The following DNAI1 variants were observed in gnomAD, a reference collection of about 807,000 sequenced individuals.
The protein encoded by DNAI1 is dynein axonemal intermediate chain 1.
Under a neutral mutation model 92.0 loss-of-function variants are expected in DNAI1, and 67 were observed. The ratio of observed to expected loss-of-function variants is 0.73; its 90% confidence interval spans 0.60 to 0.89. The LOEUF (loss-of-function observed/expected upper bound fraction) is 0.89. DNAI1 is among the 40% of genes least tolerant of loss of function. The pLI is 0.00. For synonymous variants in DNAI1, 323 were observed against 319.6 expected (o/e 1.01, Z -0.11); for missense variants, 839 against 866.6 (o/e 0.97, Z 0.40).
chr9:34,481,850 G>A (rs1824363704), intron 1 of DNAI1, among the ~76,000 whole-genome samples: 1 of 152,222 alleles, frequency 6.6e-6, no homozygotes, highest in East Asian at 1.9e-4. Context: ...GTGAGCAGTA[G>A]CAAGATTTAT....
At chr9:34,469,693 T>C (rs1400762013) in intron 1 of DNAI1, among the ~76,000 whole-genome samples, 2 of 152,186 alleles carry the variant, frequency 1.3e-5, no homozygotes, top group Non-Finnish European at 2.9e-5. Flanking sequence ...TTCTCTTGTC[T>C]CAGCCTCCTG....
intron 12 of DNAI1, among the ~76,000 whole-genome samples, chr9:34,503,024 A>C (rs1011827122): frequency 6.6e-6 from 1 of 152,202 alleles, no homozygotes; most frequent in South Asian, 2.1e-4. Context: ...GCTTTCCTGC[A>C]GTACCCTCAG....
chr9:34,466,154 G>T (rs1824034739), intron 1 of DNAI1, among the ~76,000 whole-genome samples: 2 of 152,138 alleles, frequency 1.3e-5, no homozygotes, highest in African/African-American at 4.8e-5. Flanking sequence ...ATGAGTGATG[G>T]GAAGGTATGT....
At chr9:34,481,162 G>A (rs1320340126) in intron 1 of DNAI1, among the ~76,000 whole-genome samples, 1 of 152,186 alleles carries the variant, frequency 6.6e-6, no homozygotes, top group Non-Finnish European at 1.5e-5. Flanking sequence ...AGAATCGCTT[G>A]AAACCAGAAG....
chr9:34,519,994 G>A (rs1825238268), intron 19 of DNAI1, among the ~76,000 whole-genome samples: 1 of 152,306 alleles, frequency 6.6e-6, no homozygotes, highest in South Asian at 2.1e-4. Flanking sequence ...CAGGTAGGGT[G>A]TTGGGTCATA....
intron 13 of DNAI1, among the ~76,000 whole-genome samples, chr9:34,507,278 T>C (rs1824955196): frequency 6.6e-6 from 1 of 152,148 alleles, no homozygotes; most frequent in South Asian, 2.1e-4. Context: ...AACTTTGGGG[T>C]CCTCAAAAAC....
chr9:34,493,706 G>A (rs939463654), intron 9 of DNAI1, among the ~76,000 whole-genome samples: 1 of 152,182 alleles, frequency 6.6e-6, no homozygotes, highest in Non-Finnish European at 1.5e-5. Context: ...TAGGATCTGG[G>A]AAAGTGAGAT....
chr9:34,512,557 G>A, intron 15 of DNAI1, 133 bp downstream of exon 15: 1 of 851,166 alleles, frequency 1.2e-6, no homozygotes, highest in Non-Finnish European at 1.9e-6. Context: ...GGAGATTGTA[G>A]GAAGGCCCGG....
intron 1 of DNAI1, among the ~76,000 whole-genome samples, chr9:34,467,635 A>AAAAT (rs140292116): frequency 0.022 from 3,353 of 151,300 alleles, 96 homozygotes; most frequent in East Asian, 0.12. Context: ...ACCTGTCTCT[A>AAAAT]AAATAAATAA....
chr9:34,520,611 G>A (rs771944907), intron 19 of DNAI1, 47 bp from the exon 20 acceptor site: 62 of 1,509,668 alleles, frequency 4.1e-5, no homozygotes, highest in East Asian at 1.2e-4. Flanking sequence ...GACCCAGAGA[G>A]GGGGGGCCCA....
At chr9:34,483,878 T>G (rs911925544) in intron 2 of DNAI1, among the ~76,000 whole-genome samples, 7 of 152,254 alleles carry the variant, frequency 4.6e-5, no homozygotes, top group Admixed American at 3.9e-4. Flanking sequence ...CTTAAGACTG[T>G]ACCATAATTT....
At chr9:34,475,077 T>A (rs1564028416) in intron 1 of DNAI1, among the ~76,000 whole-genome samples, 1 of 152,220 alleles carries the variant, frequency 6.6e-6, no homozygotes, top group Non-Finnish European at 1.5e-5. Context: ...ACTTATTGAG[T>A]GCCTTCTGTG....
chr9:34,514,321 C>A, intron 16 of DNAI1, 73 bp from the exon 17 acceptor site: 1 of 1,579,936 alleles, frequency 6.3e-7, no homozygotes, highest in Non-Finnish European at 8.6e-7. Context: ...AGGCTCTGAT[C>A]CTCCAGACCC....
chr9:34,461,551 T>C (rs572024818), intron 1 of DNAI1, among the ~76,000 whole-genome samples: 85 of 152,288 alleles, frequency 5.6e-4, no homozygotes, highest in African/African-American at 2.0e-3. Flanking sequence ...TTGAACAAGC[T>C]TGGGGATGGG....
intron 4 of DNAI1, among the ~76,000 whole-genome samples, chr9:34,488,937 G>A (rs1442250465): frequency 5.9e-5 from 9 of 152,154 alleles, no homozygotes; most frequent in Non-Finnish European, 2.9e-5. Context: ...GTGGAGAGAG[G>A]GTTATGCCAG....
intron 4 of DNAI1, among the ~76,000 whole-genome samples, chr9:34,487,214 G>A (rs901433167): frequency 1.3e-5 from 2 of 150,818 alleles, no homozygotes; most frequent in Middle Eastern, 3.4e-3. Flanking sequence ...ACTGCGCCTC[G>A]CTCTGTCGCC....
rs1587094351 is a variant in DNAI1 at position 34,517,276 on chromosome 9, T to G, written c.1819-9T>G. On this transcript the variant is annotated splice_polypyrimidine_tract_variant and intron_variant, in intron 18 of 19. Coordinates refer to ENST00000242317, the MANE Select transcript of DNAI1 (RefSeq NM_012144.4). The stretch of plus-strand genomic sequence containing the variant: ...ACCCCTGAGTGTGCTGACACCGACC[T>G]CTCCACAGGCCCACATATTTGACTT... 3.7e-6 allele frequency: 6 copies of G among 1,613,230 alleles called. No homozygotes were observed. Among genetic ancestry groups the G allele is most frequent in the Non-Finnish European group, 5.1e-6 (6 of 1,179,722 alleles).
At chr9:34,500,437 A>G (rs1824805654) in intron 10 of DNAI1, among the ~76,000 whole-genome samples, 1 of 152,162 alleles carries the variant, frequency 6.6e-6, no homozygotes, top group Non-Finnish European at 1.5e-5. Flanking sequence ...GATTTTATCC[A>G]TGTAGACATG....
At chr9:34,516,947 G>A (rs977547718) in intron 18 of DNAI1, among the ~76,000 whole-genome samples, 1 of 151,702 alleles carries the variant, frequency 6.6e-6, no homozygotes, top group East Asian at 1.9e-4. Flanking sequence ...CACCATGTTG[G>A]CCAGCCTGGT....
Sources: allele counts gnomAD v4.1 joint callset (sites outside exome capture counted in the v4.1 genomes callset), GRCh38; gene constraint gnomAD v4.1.1; transcripts MANE v1.5; gene names NCBI Gene and HGNC (gene_info 2026-07-23, HGNC 2026-07-21).